The following SERAC1 variants were observed in gnomAD, a reference collection of about 807,000 sequenced individuals.
The protein encoded by SERAC1 is protein SERAC1.
Under a neutral mutation model 85.7 loss-of-function variants are expected in SERAC1, and 36 were observed. The observed-to-expected ratio is 0.42, with a 90% CI of 0.32 to 0.55. The LOEUF is 0.55. Among genes scored for constraint, SERAC1 ranks in the 20% least tolerant of loss-of-function variants. The pLI is 0.11. For synonymous variants in SERAC1, 242 were observed against 265.3 expected (o/e 0.91, Z 0.85); for missense variants, 629 against 796.2 (o/e 0.79, Z 2.53).
chr6:158,163,729 T>TTTGTTGTTGTTG (rs111396490), intron 1 of SERAC1, among the ~76,000 whole-genome samples: 42,714 of 151,584 alleles, frequency 0.28, 6,401 homozygotes, highest in Admixed American at 0.44. Context: ...ATGTAGGTTT[T>TTTGTTGTTGTTG]TTGTTGTTTT....
chr6:158,144,027 C>T lies in SERAC1; in HGVS notation c.609+272G>A, dbSNP rs118096651. ...TGACCTACAGAAACTCAGAAGGGACCAACTCATGGATGCTGATATGCTATG... is the reference window on the plus strand; with the variant it reads ...TGACCTACAGAAACTCAGAAGGGACTAACTCATGGATGCTGATATGCTATG... On this transcript the variant is annotated intron_variant, in intron 7 of 16. Coordinates refer to ENST00000647468, the MANE Select transcript of SERAC1 (RefSeq NM_032861.4). Among the ~76,000 whole-genome samples, 145 of 152,260 alleles carry T rather than the reference C, an allele frequency of 9.5e-4. 3 individuals are homozygous for T. The East Asian group carries it at 0.024, about 25-fold the overall frequency.
intron 12 of SERAC1, among the ~76,000 whole-genome samples, chr6:158,118,166 CTG>C (rs1200359281): frequency 6.6e-6 from 1 of 152,164 alleles, no homozygotes; most frequent in Non-Finnish European, 1.5e-5. Flanking sequence ...ATGGCATAGT[CTG>C]ACAGATTTTG....
chr6:158,159,811 A>T (rs1583612021), intron 1 of SERAC1, among the ~76,000 whole-genome samples: 1 of 152,160 alleles, frequency 6.6e-6, no homozygotes, highest in Non-Finnish European at 1.5e-5. Context: ...TTTTTTGTAG[A>T]GACAGGGTTT....
At chr6:158,124,422 T>C (rs981499389) in intron 10 of SERAC1, among the ~76,000 whole-genome samples, 20 of 152,194 alleles carry the variant, frequency 1.3e-4, no homozygotes, top group African/African-American at 4.8e-4. Context: ...GGAAAGTTTC[T>C]ACATTTGATC....
chr6:158,144,342 A>C lies in SERAC1; in HGVS notation c.566T>G (p.Leu189Arg), dbSNP rs576602246. 9.3e-5 allele frequency: 150 copies of C among 1,613,496 alleles called. No homozygotes were observed. In the South Asian group the frequency reaches 1.6e-3, roughly 17 times the overall value. ...IGLARSEESD[L>R]RFFLLPPPLP... ...AGGAGGTGGTAGGAGAAAAAAGCGA[A>C]GATCACTCTCTTCGCTTCGTGCCAA... Residue 189 changes from leucine (L) to arginine (R), a missense_variant, in exon 7 of 17, where the codon CTT (leucine) becomes CGT (arginine). Leu to Arg is a moderately radical substitution (Grantham distance 102, BLOSUM62 -2). Coordinates refer to ENST00000647468, the MANE Select transcript of SERAC1 (RefSeq NM_032861.4).
At position 158,120,474 on chromosome 6, in the gene SERAC1, C is replaced by G; in HGVS notation, c.1117G>C (p.Glu373Gln). Residue 373 changes from glutamate to glutamine, a missense_variant, in exon 11 of 17, where the codon GAA becomes CAA. Coordinates refer to ENST00000647468, the MANE Select transcript of SERAC1 (RefSeq NM_032861.4). The surrounding 1 kb of genome is among the most constrained non-coding windows in gnomAD (Gnocchi z 4.4). ...LANLDRETVQ[E>Q]KYQDGVYVLH... ...ACATATACGCCATCCTGATATTTTT[C>G]TTGCACAGTTTCTCGGTCTAGATTT... The G allele has an allele frequency of 6.2e-7, 1 of 1,613,978 alleles. No individual in the cohort carries two copies. The highest frequency in any genetic ancestry group is 1.1e-5 in the South Asian group (1 of 91,050).
intron 15 of SERAC1, chr6:158,114,505 G>T: frequency 8.5e-7 from 1 of 1,177,068 alleles, no homozygotes. Context: ...TGGTAATTTG[G>T]AATAATACTT....
intron 2 of SERAC1, among the ~76,000 whole-genome samples, chr6:158,158,045 A>T (rs570590278): frequency 2.0e-4 from 30 of 152,218 alleles, no homozygotes; most frequent in Non-Finnish European, 3.8e-4. Flanking sequence ...TAGGATGATG[A>T]GTATGAAATT....
intron 8 of SERAC1, among the ~76,000 whole-genome samples, chr6:158,135,406 G>A (rs1784767926): frequency 6.6e-6 from 1 of 152,044 alleles, no homozygotes; most frequent in African/African-American, 2.4e-5. Context: ...TGGCGGATAT[G>A]CCTATAATCC....
chr6:158,125,412 G>A (rs770829235), intron 10 of SERAC1, among the ~76,000 whole-genome samples: 17 of 152,080 alleles, frequency 1.1e-4, no homozygotes, highest in Non-Finnish European at 2.9e-5. Flanking sequence ...ATAAAACAAT[G>A]AGGCCCTCAC....
intron 1 of SERAC1, chr6:158,158,594 C>T: frequency 2.7e-6 from 1 of 372,298 alleles, no homozygotes; most frequent in Non-Finnish European, 4.9e-6. Flanking sequence ...CACACTGTGT[C>T]CAATTGTGCA....
intron 1 of SERAC1, among the ~76,000 whole-genome samples, chr6:158,167,209 A>T (rs944648149): frequency 9.9e-5 from 14 of 141,902 alleles, no homozygotes; most frequent in African/African-American, 3.5e-4. Flanking sequence ...CGATCACATG[A>T]ACACACACGA....
At position 158,119,783 on chromosome 6, in the gene SERAC1, A is replaced by G. The variant is rs1218402357; in HGVS notation, c.1167-613T>C. 6.6e-6 allele frequency among the ~76,000 whole-genome samples: 1 copy of G among 152,208 alleles called. No homozygotes were observed. The highest frequency in any genetic ancestry group is 1.9e-4 in the East Asian group (1 of 5,198). Reference sequence around the variant, plus strand: ...ACCAGGTAATCCACTTTTTAATTTAAAAGTTTTTGCTATTTTCTGAGGTAC... The same window carrying G: ...ACCAGGTAATCCACTTTTTAATTTAGAAGTTTTTGCTATTTTCTGAGGTAC... On this transcript the variant is annotated intron_variant, in intron 11 of 16. Coordinates refer to ENST00000647468, the MANE Select transcript of SERAC1 (RefSeq NM_032861.4). This position sits in a 1 kb window ranked among gnomAD's most constrained non-coding sequence, Gnocchi z 4.5.
At chr6:158,159,768 G>A (rs888782571) in intron 1 of SERAC1, among the ~76,000 whole-genome samples, 1 of 151,870 alleles carries the variant, frequency 6.6e-6, no homozygotes, top group Non-Finnish European at 1.5e-5. Context: ...GGGACTACAG[G>A]TGCCCACCAC....
intron 14 of SERAC1, 43 bp from the exon 15 acceptor site, chr6:158,115,014 C>T: frequency 6.4e-7 from 1 of 1,566,534 alleles, no homozygotes; most frequent in Non-Finnish European, 8.6e-7. Context: ...AAGCTATTTT[C>T]CTTCCCTTTA....
chr6:158,129,531 G>T (rs1784620593), intron 9 of SERAC1, among the ~76,000 whole-genome samples: 3 of 152,136 alleles, frequency 2.0e-5, no homozygotes. Flanking sequence ...TTTCCTGGGT[G>T]ATGTTTCTGC....
At chr6:158,124,168 T>C (rs1784483397) in intron 10 of SERAC1, among the ~76,000 whole-genome samples, 1 of 152,182 alleles carries the variant, frequency 6.6e-6, no homozygotes, top group African/African-American at 2.4e-5. Context: ...TATAATAAGA[T>C]ACTGATTTGA....
At chr6:158,130,516 GAA>G (rs1432510541) in intron 8 of SERAC1, 30 bp from the exon 9 acceptor site, 2 of 1,312,754 alleles carry the variant, frequency 1.5e-6, no homozygotes, top group Admixed American at 2.3e-5. Flanking sequence ...AATTTTTACT[GAA>G]AAAAAGTGAC....
In SERAC1 at chr6:158,119,592, A is replaced by G. The variant is rs1784373450; in HGVS notation, c.1167-422T>C. ...TAAAAGAGATTTTCAAAAATGTGTT[A>G]AGGAAACTAATACTTATAAAATGAG... On this transcript the variant is annotated intron_variant, in intron 11 of 16. Transcript: ENST00000647468. This position sits in a 1 kb window ranked among gnomAD's most constrained non-coding sequence, Gnocchi z 4.5. 6.6e-6 allele frequency among the ~76,000 whole-genome samples: 1 copy of G among 152,242 alleles called. No homozygotes were observed. The highest frequency in any genetic ancestry group is 2.4e-5 in the African/African-American group (1 of 41,470).
Sources: allele counts gnomAD v4.1 joint callset (sites outside exome capture counted in the v4.1 genomes callset), GRCh38; gene constraint gnomAD v4.1.1; non-coding constraint Gnocchi (gnomAD v3.1); transcripts MANE v1.5; gene names NCBI Gene and HGNC (gene_info 2026-07-23, HGNC 2026-07-21).